Variants in ELMO1 observed in about 807,000 individuals in gnomAD.
ELMO1 encodes the protein engulfment and cell motility protein 1.
In ELMO1, 26 loss-of-function variants were observed where a neutral mutation model predicts 98.9. The ratio of observed to expected loss-of-function variants is 0.26; its 90% confidence interval spans 0.19 to 0.36. The LOEUF is 0.36. Among genes scored for constraint, ELMO1 ranks in the 10% least tolerant of loss-of-function variants. The probability of loss-of-function intolerance (pLI) is 1.00; values close to 1 mark genes in which losing one functional copy is unlikely to be tolerated. For missense variants in ELMO1, 627 were observed against 935.2 expected, an observed-to-expected ratio of 0.67 and a Z score of 4.30; for synonymous variants, 346 against 346.0, an observed-to-expected ratio of 1.00 and a Z score of 0.00.
intron 1 of ELMO1, among the ~76,000 whole-genome samples, chr7:37,384,589 G>GCCA (rs1802716029): frequency 1.3e-5 from 2 of 152,044 alleles, no homozygotes; most frequent in Non-Finnish European, 2.9e-5. Flanking sequence ...GCGCGGTGGT[G>GCCA]GGCGCCTGTA....
chr7:37,150,861 G>A (rs1053191100), intron 13 of ELMO1, among the ~76,000 whole-genome samples: 1 of 152,002 alleles, frequency 6.6e-6, no homozygotes, highest in Non-Finnish European at 1.5e-5. Context: ...TTTGACTAGG[G>A]GTATGCCCAC....
intron 16 of ELMO1, among the ~76,000 whole-genome samples, chr7:36,965,749 A>G (rs980455196): frequency 2.7e-5 from 4 of 149,566 alleles, no homozygotes; most frequent in African/African-American, 5.1e-5. Context: ...TACAAATGGG[A>G]AAAAAAAACC....
intron 1 of ELMO1, among the ~76,000 whole-genome samples, chr7:37,386,518 G>A (rs573932608): frequency 9.3e-4 from 142 of 152,234 alleles, no homozygotes; most frequent in African/African-American, 3.3e-3. Flanking sequence ...AAATCAGGAC[G>A]CCACAGGAGA....
intron 1 of ELMO1, among the ~76,000 whole-genome samples, chr7:37,410,635 GA>G (rs1803956803): frequency 6.6e-6 from 1 of 152,142 alleles, no homozygotes; most frequent in Non-Finnish European, 1.5e-5. Flanking sequence ...AAAATGAAAT[GA>G]ACAGTAATCC....
chr7:36,944,772 C>T (rs918591756), intron 16 of ELMO1, among the ~76,000 whole-genome samples: 1 of 152,072 alleles, frequency 6.6e-6, no homozygotes, highest in African/African-American at 2.4e-5. Context: ...TGTTCCCAGC[C>T]CTTAGTGAAA....
chr7:37,086,367 T>TGTGAGA (rs768881408), intron 15 of ELMO1, among the ~76,000 whole-genome samples: 1 of 147,494 alleles, frequency 6.8e-6, no homozygotes, highest in African/African-American at 2.5e-5. Flanking sequence ...TGTGTGTGTG[T>TGTGAGA]GAAGAGAAGG....
At chr7:37,157,729 C>T (rs946846603) in intron 13 of ELMO1, among the ~76,000 whole-genome samples, 15 of 152,098 alleles carry the variant, frequency 9.9e-5, no homozygotes, top group South Asian at 4.2e-4. Context: ...GCCATACTGC[C>T]CAAGGTAATT....
At chr7:37,199,974 C>A (rs1412682211) in intron 13 of ELMO1, among the ~76,000 whole-genome samples, 1 of 152,192 alleles carries the variant, frequency 6.6e-6, no homozygotes, top group South Asian at 2.1e-4. Flanking sequence ...GCTTGGTTCA[C>A]TTGGTTCAAT....
At chr7:37,225,709 C>A (rs1250615668) in intron 8 of ELMO1, among the ~76,000 whole-genome samples, 1 of 152,160 alleles carries the variant, frequency 6.6e-6, no homozygotes, top group Non-Finnish European at 1.5e-5. Flanking sequence ...AAAATAGATT[C>A]TCTAAGGAAT....
chr7:37,241,772 C>G (rs535131702), intron 7 of ELMO1, among the ~76,000 whole-genome samples: 57 of 152,280 alleles, frequency 3.7e-4, no homozygotes, highest in Admixed American at 6.5e-4. Context: ...TGTAGTTGCT[C>G]TTATACCTCC....
At chr7:36,880,601 G>T (rs1238294944) in intron 18 of ELMO1, among the ~76,000 whole-genome samples, 1 of 152,194 alleles carries the variant, frequency 6.6e-6, no homozygotes, top group African/African-American at 2.4e-5. Flanking sequence ...AACATCATTA[G>T]AACGGAAGGT....
rs566236838 is a variant in ELMO1, at chr7:37,188,409, T to TACACAC, written c.1086+22971_1086+22976dup. Among the ~76,000 whole-genome samples, 141 of 115,858 alleles carry TACACAC rather than the reference T, an allele frequency of 1.2e-3. 3 individuals carry two copies. Among genetic ancestry groups the TACACAC allele is most frequent in the East Asian group, 2.1e-3 (9 of 4,258 alleles). 76.0% of individuals were successfully genotyped at this position (115,858 alleles called of 152,430 possible). A position where few individuals can be genotyped will look rare whatever the true frequency, so the allele number is the denominator to read the frequency against. On this transcript the variant is annotated intron_variant, in intron 13 of 21. Coordinates refer to ENST00000310758, the MANE Select transcript of ELMO1 (RefSeq NM_014800.11). ...TTAACATACAGACTGTGCTTCTTGT[T>TACACAC]ACACACACACACACACACACACACA...
chr7:37,373,437 T>G (rs1802199085), intron 1 of ELMO1, among the ~76,000 whole-genome samples: 1 of 151,738 alleles, frequency 6.6e-6, no homozygotes, highest in Admixed American at 6.6e-5. Flanking sequence ...TGAAACCCAG[T>G]CTCTATTAAA....
intron 2 of ELMO1, among the ~76,000 whole-genome samples, chr7:37,334,631 T>G (rs949926121): frequency 3.4e-4 from 51 of 152,182 alleles, no homozygotes; most frequent in Non-Finnish European, 2.1e-4. Context: ...GTGCAAGGCC[T>G]TCTATTGCCT....
intron 13 of ELMO1, among the ~76,000 whole-genome samples, chr7:37,210,020 A>G (rs1472481639): frequency 1.3e-5 from 2 of 152,220 alleles, no homozygotes; most frequent in East Asian, 1.9e-4. Context: ...TATAAAAACA[A>G]TAACTGGACA....
rs112225869 is a variant in ELMO1, at chr7:37,379,262, G to C, written c.-73-36499C>G. On this transcript the variant is annotated intron_variant, in intron 1 of 21. Coordinates refer to ENST00000310758, the MANE Select transcript of ELMO1 (RefSeq NM_014800.11). ...TCACCATGTTAGCCAGGATGGTCTC[G>C]ATCTCCTGACCTCGTGATCCACCCA... is the stretch of plus-strand genomic sequence containing the variant. Among the ~76,000 whole-genome samples, 9 of 152,148 alleles carry C rather than the reference G, an allele frequency of 5.9e-5. No individual in the cohort carries two copies. The East Asian group carries it at 1.2e-3, about 20-fold the overall frequency.
chr7:37,035,606 T>C (rs570649983), intron 15 of ELMO1, among the ~76,000 whole-genome samples: 1 of 152,330 alleles, frequency 6.6e-6, no homozygotes, highest in African/African-American at 2.4e-5. Context: ...ATTTGGTACA[T>C]ATCAAGCAAT....
intron 16 of ELMO1, among the ~76,000 whole-genome samples, chr7:36,917,948 G>GA (rs1012733524): frequency 2.6e-5 from 4 of 152,040 alleles, no homozygotes; most frequent in Non-Finnish European, 5.9e-5. Flanking sequence ...AATACTGAGT[G>GA]AAAAAATAAG....
At chr7:37,031,346 T>G (rs1031730595) in intron 15 of ELMO1, among the ~76,000 whole-genome samples, 1 of 152,156 alleles carries the variant, frequency 6.6e-6, no homozygotes, top group Non-Finnish European at 1.5e-5. Context: ...AGAATGCATT[T>G]GCCAAGGGAA....
Sources: allele counts gnomAD v4.1 joint callset (sites outside exome capture counted in the v4.1 genomes callset), GRCh38; gene constraint gnomAD v4.1.1; transcripts MANE v1.5; gene names NCBI Gene and HGNC (gene_info 2026-07-23, HGNC 2026-07-21).